The following GAP43 variants were observed in gnomAD, a reference collection of about 807,000 sequenced individuals.
GAP43 encodes neuromodulin.
In GAP43, 6 loss-of-function variants were observed where a neutral mutation model predicts 18.6. The ratio of observed to expected loss-of-function variants is 0.32; its 90% confidence interval spans 0.18 to 0.64. The LOEUF (loss-of-function observed/expected upper bound fraction) is 0.64, where lower values mean the gene tolerates loss of function less well. GAP43 is among the 30% of genes least tolerant of loss of function. The probability of loss-of-function intolerance (pLI) is 0.78; values close to 1 mark genes in which losing one functional copy is unlikely to be tolerated. For synonymous variants in GAP43, 115 were observed against 111.4 expected, an observed-to-expected ratio of 1.03 and a Z score of -0.20; for missense variants, 292 against 295.5, an observed-to-expected ratio of 0.99 and a Z score of 0.09.
intron 2 of GAP43, among the ~76,000 whole-genome samples, chr3:115,693,335 C>T (rs1022517040): frequency 2.6e-5 from 4 of 152,234 alleles, no homozygotes; most frequent in Non-Finnish European, 4.4e-5. Context: ...CAAGGAAATG[C>T]TGCCCCCTTT....
chr3:115,672,055 A>G (rs1273409556), intron 1 of GAP43, among the ~76,000 whole-genome samples: 2 of 152,202 alleles, frequency 1.3e-5, no homozygotes, highest in Non-Finnish European at 2.9e-5. Context: ...AATCAACGAG[A>G]ATGCTGATGT....
chr3:115,641,147 G>A (rs1708390688), intron 1 of GAP43, among the ~76,000 whole-genome samples: 1 of 150,298 alleles, frequency 6.7e-6, no homozygotes, highest in African/African-American at 2.5e-5. Context: ...TTACAGGTGA[G>A]AGCTACCACA....
chr3:115,629,506 GC>G (rs1358147430), intron 1 of GAP43, among the ~76,000 whole-genome samples: 3 of 150,988 alleles, frequency 2.0e-5, no homozygotes, highest in Admixed American at 2.0e-4. Context: ...TTCCCTCTCA[GC>G]CTGAAATATT....
At chr3:115,634,908 G>A (rs899830940) in intron 1 of GAP43, among the ~76,000 whole-genome samples, 2 of 152,174 alleles carry the variant, frequency 1.3e-5, no homozygotes, top group East Asian at 1.9e-4. Context: ...TTCCAGTGGG[G>A]AAAGGAATAA....
chr3:115,629,434 C>A (rs1708234742), intron 1 of GAP43, among the ~76,000 whole-genome samples: 1 of 149,732 alleles, frequency 6.7e-6, no homozygotes, highest in Non-Finnish European at 1.5e-5. Flanking sequence ...CCTGATGACA[C>A]CATGCCAAGA....
At chr3:115,658,572 C>T (rs1014117492) in intron 1 of GAP43, 2 of 152,152 alleles carry the variant, frequency 1.3e-5, no homozygotes, top group Admixed American at 1.3e-4. Flanking sequence ...TGGCCTCAGC[C>T]GCTGAGACCC....
intron 1 of GAP43, among the ~76,000 whole-genome samples, chr3:115,672,898 G>A (rs898425071): frequency 3.3e-5 from 5 of 152,196 alleles, no homozygotes; most frequent in African/African-American, 9.6e-5. Context: ...ATGAAGTCCA[G>A]CAGTTTCTCC....
At chr3:115,691,377 G>A (rs977217618) in intron 2 of GAP43, among the ~76,000 whole-genome samples, 1 of 152,156 alleles carries the variant, frequency 6.6e-6, no homozygotes, top group African/African-American at 2.4e-5. Flanking sequence ...TTGAATCAAA[G>A]GTCCAGTCCC....
At chr3:115,692,355 G>A (rs1336846237) in intron 2 of GAP43, among the ~76,000 whole-genome samples, 12 of 152,142 alleles carry the variant, frequency 7.9e-5, no homozygotes, top group South Asian at 2.1e-4. Flanking sequence ...TTATTAATAC[G>A]TATAATTTCC....
chr3:115,662,757 T>C (rs1210511182), intron 1 of GAP43, among the ~76,000 whole-genome samples: 1 of 152,216 alleles, frequency 6.6e-6, no homozygotes, highest in Non-Finnish European at 1.5e-5. Context: ...TTGGGCCATG[T>C]GACATCACTT....
At chr3:115,666,410 C>T (rs1708733715) in intron 1 of GAP43, among the ~76,000 whole-genome samples, 1 of 152,198 alleles carries the variant, frequency 6.6e-6, no homozygotes, top group African/African-American at 2.4e-5. Context: ...AATACAGTCT[C>T]ATGACCAAAT....
intron 2 of GAP43, 112 bp from the exon 3 acceptor site, chr3:115,720,682 C>T (rs1232179076): frequency 2.6e-5 from 17 of 650,554 alleles, no homozygotes; most frequent in South Asian, 1.2e-4. Context: ...AATCTTAATG[C>T]TCTTATGAAA....
At chr3:115,647,657 G>C (rs1192078883) in intron 1 of GAP43, among the ~76,000 whole-genome samples, 1 of 151,304 alleles carries the variant, frequency 6.6e-6, no homozygotes, top group East Asian at 1.9e-4. Context: ...AAAAATAGTG[G>C]AGAGTGTTTG....
At chr3:115,679,209 A>C (rs530904018) in intron 2 of GAP43, among the ~76,000 whole-genome samples, 1 of 152,250 alleles carries the variant, frequency 6.6e-6, no homozygotes, top group African/African-American at 2.4e-5. Context: ...GGGGAAAAAT[A>C]GGTACAAAGA....
chr3:115,716,614 C>G (rs1167606236), intron 2 of GAP43, among the ~76,000 whole-genome samples: 1 of 149,962 alleles, frequency 6.7e-6, no homozygotes, highest in Non-Finnish European at 1.5e-5. Flanking sequence ...TGACTTGACC[C>G]ACTTTTTTTT....
intron 2 of GAP43, among the ~76,000 whole-genome samples, chr3:115,690,757 CTTT>C (rs71616327): frequency 9.0e-6 from 1 of 110,992 alleles, no homozygotes. Context: ...TTCTTTCTTT[CTTT>C]TTTTTTTTTT....
At chr3:115,683,147 G>GTGCGCGCA (rs1708983101) in intron 2 of GAP43, among the ~76,000 whole-genome samples, 3 of 127,446 alleles carry the variant, frequency 2.4e-5, no homozygotes, top group South Asian at 3.0e-4. Context: ...GCGCGCGCGC[G>GTGCGCGCA]CACACACACA....
chr3:115,704,785 C>G (rs1038621785), intron 2 of GAP43, among the ~76,000 whole-genome samples: 1 of 152,048 alleles, frequency 6.6e-6, no homozygotes, highest in South Asian at 2.1e-4. Flanking sequence ...TCGCTGAATT[C>G]TAATTAGCTG....
intron 1 of GAP43, among the ~76,000 whole-genome samples, chr3:115,667,095 A>G (rs1708742656): frequency 1.3e-5 from 2 of 152,190 alleles, no homozygotes; most frequent in South Asian, 4.1e-4. Context: ...CCAACACAGT[A>G]TGGCATGTGG....
Sources: gnomAD v4.1 joint callset for allele counts (sites outside exome capture counted in the v4.1 genomes callset) on GRCh38, gnomAD v4.1.1 for gene constraint, MANE v1.5 for transcripts, NCBI Gene and HGNC (gene_info 2026-07-23, HGNC 2026-07-21) for gene names.